The following RNF217 variants were observed in gnomAD, a reference collection of about 807,000 sequenced individuals.
RNF217 encodes E3 ubiquitin-protein ligase RNF217.
In RNF217, 31 loss-of-function variants were observed where a neutral mutation model predicts 57.8. That is an observed-to-expected ratio of 0.54 (90% confidence interval 0.40 to 0.72). The LOEUF (loss-of-function observed/expected upper bound fraction) is 0.72. Ranked by LOEUF, RNF217 falls within the 30% of genes least tolerant of loss-of-function variation. The probability of loss-of-function intolerance (pLI) is 0.00; values close to 1 mark genes in which losing one functional copy is unlikely to be tolerated. For missense variants in RNF217, 696 were observed against 708.3 expected (o/e 0.98, Z 0.20); for synonymous variants, 313 against 294.0 (o/e 1.06, Z -0.66).
chr6:125,057,373 G>A (rs1178944144), intron 2 of RNF217, among the ~76,000 whole-genome samples: 1 of 151,996 alleles, frequency 6.6e-6, no homozygotes, highest in Non-Finnish European at 1.5e-5. Flanking sequence ...GTAGAGATGG[G>A]GTTTCACCAT....
chr6:124,994,165 T>C (rs189699414), intron 1 of RNF217, among the ~76,000 whole-genome samples: 1 of 152,188 alleles, frequency 6.6e-6, no homozygotes, highest in South Asian at 2.1e-4. Flanking sequence ...TGTGTGTATC[T>C]TTTTGTTTTA....
intron 1 of RNF217, among the ~76,000 whole-genome samples, chr6:125,039,809 C>T (rs1786801105): frequency 6.6e-6 from 1 of 152,152 alleles, no homozygotes; most frequent in South Asian, 2.1e-4. Context: ...CAAAACCACA[C>T]AACCACATAG....
chr6:124,999,137 T>A (rs1784872164), intron 1 of RNF217, among the ~76,000 whole-genome samples: 1 of 152,250 alleles, frequency 6.6e-6, no homozygotes, highest in Admixed American at 6.5e-5. Flanking sequence ...CTGTGTATTA[T>A]ACTGAAGACA....
intron 1 of RNF217, among the ~76,000 whole-genome samples, chr6:125,037,591 T>C (rs1786692581): frequency 6.6e-6 from 1 of 152,108 alleles, no homozygotes. Context: ...AAAAACCGTA[T>C]GTGTCAGTAG....
chr6:125,013,613 G>A (rs371187513), intron 1 of RNF217, among the ~76,000 whole-genome samples: 46 of 151,856 alleles, frequency 3.0e-4, no homozygotes, highest in East Asian at 2.3e-3. Flanking sequence ...TATAGAGTTC[G>A]TATTCAGCTA....
chr6:125,062,830 C>G (rs1318738884), intron 3 of RNF217, among the ~76,000 whole-genome samples: 2 of 152,150 alleles, frequency 1.3e-5, no homozygotes, highest in Admixed American at 1.3e-4. Context: ...CCCACCTCAG[C>G]CTCCCAAAGT....
rs1783355154 is a variant in RNF217 at position 124,962,980 on chromosome 6, G to T, written c.436G>T (p.Val146Phe). The T allele has an allele frequency of 6.3e-7, 1 of 1,597,100 alleles. No individual in the cohort carries two copies. Among genetic ancestry groups the T allele is most frequent in the African/African-American group, 1.3e-5 (1 of 74,912 alleles). ...RTRVGAADGL[V>F]LDVLGQRRPS... ...CCGCGTGGGGGCCGCCGACGGACTGGTCCTGGACGTGCTGGGTCAGCGGCG... is the reference window on the plus strand; with the variant it reads ...CCGCGTGGGGGCCGCCGACGGACTGTTCCTGGACGTGCTGGGTCAGCGGCG... The change falls in exon 1 of 6, where the codon GTC becomes TTC. Residue 146 changes from valine to phenylalanine, a missense_variant. By Grantham distance (50) the Val-to-Phe change is conservative (BLOSUM62 -1). Coordinates refer to ENST00000521654, the MANE Select transcript of RNF217 (RefSeq NM_001286398.3). The surrounding 1 kb of genome is among the most constrained non-coding windows in gnomAD (Gnocchi z 4.6).
chr6:125,016,836 A>G (rs1785628743), intron 1 of RNF217, among the ~76,000 whole-genome samples: 1 of 152,124 alleles, frequency 6.6e-6, no homozygotes, highest in Admixed American at 6.5e-5. Flanking sequence ...AATATAGATG[A>G]TGGGTTGATG....
chr6:125,082,274 G>A (rs1194073455), intron 5 of RNF217, among the ~76,000 whole-genome samples: 7 of 152,056 alleles, frequency 4.6e-5, no homozygotes, highest in Non-Finnish European at 1.0e-4. Flanking sequence ...TTTGATCATT[G>A]TTCCATATAT....
intron 1 of RNF217, among the ~76,000 whole-genome samples, chr6:124,967,288 C>T (rs1039578813): frequency 6.6e-6 from 1 of 152,192 alleles, no homozygotes; most frequent in Non-Finnish European, 1.5e-5. Context: ...CTGACTTGGC[C>T]TTTACCACAT....
intron 1 of RNF217, among the ~76,000 whole-genome samples, chr6:124,982,264 A>C (rs907430002): frequency 4.6e-5 from 7 of 152,274 alleles, no homozygotes; most frequent in Admixed American, 3.3e-4. Context: ...TTCTGTCAAG[A>C]ATCAACTCAC....
At chr6:125,036,719 T>A (rs1427770324) in intron 1 of RNF217, among the ~76,000 whole-genome samples, 2 of 152,016 alleles carry the variant, frequency 1.3e-5, no homozygotes, top group African/African-American at 2.4e-5. Flanking sequence ...GAACAGACAC[T>A]TCTCAAAAGA....
intron 1 of RNF217, among the ~76,000 whole-genome samples, chr6:124,999,863 A>G (rs1471490324): frequency 6.6e-6 from 1 of 152,156 alleles, no homozygotes. Flanking sequence ...AACAGCTATT[A>G]AACTATTAAA....
chr6:124,986,300 G>A (rs1033790904), intron 1 of RNF217, among the ~76,000 whole-genome samples: 13 of 152,164 alleles, frequency 8.5e-5, no homozygotes, highest in African/African-American at 2.9e-4. Context: ...TGATTGTCAG[G>A]TTGACCCTTT....
chr6:125,015,140 T>A (rs1785555577), intron 1 of RNF217, among the ~76,000 whole-genome samples: 2 of 152,174 alleles, frequency 1.3e-5, no homozygotes, highest in Non-Finnish European at 2.9e-5. Context: ...CTGGTTTTTA[T>A]CTGAAAGTCA....
Position 125,076,875 on chromosome 6 carries a change from C to T in RNF217, c.1483+17C>T. The T allele has an allele frequency of 1.2e-6, 2 of 1,600,230 alleles. No homozygotes were observed. The highest frequency in any genetic ancestry group is 1.3e-5 in the African/African-American group (1 of 74,654). On this transcript the variant is annotated intron_variant, in intron 4 of 5. Transcript: ENST00000521654. ...CAGTCTGTGGTGAGTGTCTGACATA[C>T]TTATGGGTGTCTTCCCTGGGAATTA...
chr6:125,044,604 TCTTA>T (rs1426364934), intron 1 of RNF217, among the ~76,000 whole-genome samples: 2 of 152,134 alleles, frequency 1.3e-5, no homozygotes, highest in Non-Finnish European at 2.9e-5. Flanking sequence ...GGTTTCATTT[TCTTA>T]CTTGTTCCTA....
At position 125,089,104 on chromosome 6, in the gene RNF217, G is replaced by A. The variant is rs1788860682; in HGVS notation, c.*6167G>A. ...GCTTATTTTATTTGTAAATGGAAAT[G>A]TATCAGGAGTGCCTGGAACACTTTT... On this transcript the variant is annotated 3_prime_UTR_variant, in exon 6 of 6. Transcript: ENST00000521654. The A allele has an allele frequency of 6.6e-6, 1 of 152,342 alleles. No individual in the cohort carries two copies. Among genetic ancestry groups the A allele is most frequent in the Non-Finnish European group, 1.5e-5 (1 of 68,028 alleles). The allele number at this position is 152,342 out of a possible 1,614,324, so 9.4% of individuals were successfully genotyped here.
chr6:125,032,082 C>T (rs910347653), intron 1 of RNF217, among the ~76,000 whole-genome samples: 2 of 152,076 alleles, frequency 1.3e-5, no homozygotes, highest in East Asian at 1.9e-4. Context: ...ACAAGAATAG[C>T]ATGGGAAAGA....
Sources: gnomAD v4.1 joint callset for allele counts (sites outside exome capture counted in the v4.1 genomes callset) on GRCh38, gnomAD v4.1.1 for gene constraint, Gnocchi (gnomAD v3.1) non-coding constraint, MANE v1.5 for transcripts, NCBI Gene and HGNC (gene_info 2026-07-23, HGNC 2026-07-21) for gene names.